CAMKMT: variants seen among roughly 807,000 people sequenced by gnomAD.
The protein encoded by CAMKMT is calmodulin-lysine N-methyltransferase.
A neutral mutation model predicts 48.0 loss-of-function variants in CAMKMT; 53 were observed. That is an observed-to-expected ratio of 1.10 (90% confidence interval 0.89 to 1.39). CAMKMT has a LOEUF of 1.39. Ranked by LOEUF, CAMKMT falls within the 40% of genes most tolerant of loss-of-function variation. The probability of loss-of-function intolerance (pLI) is 0.00; values close to 1 mark genes in which losing one functional copy is unlikely to be tolerated. For synonymous variants in CAMKMT, 165 were observed against 152.3 expected, an observed-to-expected ratio of 1.08 and a Z score of -0.61; for missense variants, 428 against 402.7, an observed-to-expected ratio of 1.06 and a Z score of -0.54.
chr2:44,634,803 A>AAAAAAAAAG (rs1402653101), intron 3 of CAMKMT, among the ~76,000 whole-genome samples: 1 of 151,770 alleles, frequency 6.6e-6, no homozygotes, highest in Non-Finnish European at 1.5e-5. Context: ...GGCTAGCCAA[A>AAAAAAAAAG]AAAAAAAAAG....
At chr2:44,530,881 C>A (rs1666448142) in intron 3 of CAMKMT, among the ~76,000 whole-genome samples, 1 of 151,828 alleles carries the variant, frequency 6.6e-6, no homozygotes, top group Admixed American at 6.6e-5. Context: ...ATTTTTAAAT[C>A]TAGAGGTTTA....
intron 10 of CAMKMT, among the ~76,000 whole-genome samples, chr2:44,771,001 C>G (rs1681083803): frequency 1.3e-5 from 2 of 152,160 alleles, no homozygotes; most frequent in Non-Finnish European, 2.9e-5. Context: ...GCTCATGACT[C>G]CTGTCCTTAA....
At chr2:44,734,051 T>C (rs1461707522) in intron 7 of CAMKMT, among the ~76,000 whole-genome samples, 1 of 152,108 alleles carries the variant, frequency 6.6e-6, no homozygotes, top group Non-Finnish European at 1.5e-5. Context: ...TATTTTTCTG[T>C]TTCCCTTTTT....
At chr2:44,636,448 C>G (rs1214168573) in intron 3 of CAMKMT, among the ~76,000 whole-genome samples, 1 of 152,214 alleles carries the variant, frequency 6.6e-6, no homozygotes, top group Non-Finnish European at 1.5e-5. Context: ...TGCTTCAGCT[C>G]AGCAGGTCTC....
chr2:44,444,802 C>G (rs1231346341), intron 3 of CAMKMT, among the ~76,000 whole-genome samples: 1 of 152,046 alleles, frequency 6.6e-6, no homozygotes, highest in Non-Finnish European at 1.5e-5. Flanking sequence ...CACCATGTAC[C>G]CAAATCTTAG....
chr2:44,647,544 A>G (rs1463889491), intron 3 of CAMKMT, among the ~76,000 whole-genome samples: 1 of 152,174 alleles, frequency 6.6e-6, no homozygotes, highest in East Asian at 1.9e-4. Context: ...CATAGTTAAC[A>G]TTCTGTGGTA....
intron 3 of CAMKMT, among the ~76,000 whole-genome samples, chr2:44,434,271 T>C (rs374288706): frequency 6.6e-6 from 1 of 151,926 alleles, no homozygotes; most frequent in South Asian, 2.1e-4. Context: ...TGATAGAATA[T>C]TTTAGACTTT....
intron 3 of CAMKMT, among the ~76,000 whole-genome samples, chr2:44,673,471 GAGGAAGGAAGGAAGGAAGGAAGGA>G (rs201284067): frequency 6.0e-5 from 7 of 116,842 alleles, no homozygotes; most frequent in Non-Finnish European, 8.5e-5. Context: ...GAAAGAGAGA[GAGGAAGGAAGGAAGGAAGGAAGGA>G]AGGAAGGAAG....
chr2:44,653,997 G>A lies in CAMKMT; in HGVS notation c.377-50286G>A, dbSNP rs137935798. Among the ~76,000 whole-genome samples the A allele has an allele frequency of 9.7e-4, 147 of 152,186 alleles. No homozygotes were observed. Among genetic ancestry groups the A allele is most frequent in the African/African-American group, 3.3e-3 (138 of 41,506 alleles). ...TGAATTAAAATTTTCTTAGTTTGCCGTGTATTTTAATTGACTCTGGACAAA... is the reference window on the plus strand; with the variant it reads ...TGAATTAAAATTTTCTTAGTTTGCCATGTATTTTAATTGACTCTGGACAAA... On this transcript the variant is annotated intron_variant, in intron 3 of 10. Coordinates refer to ENST00000378494, the MANE Select transcript of CAMKMT (RefSeq NM_024766.5). The surrounding 1 kb of genome is among the most constrained non-coding windows in gnomAD (Gnocchi z 5.2).
chr2:44,672,687 T>A (rs1156764109), intron 3 of CAMKMT, among the ~76,000 whole-genome samples: 1 of 152,196 alleles, frequency 6.6e-6, no homozygotes, highest in East Asian at 1.9e-4. Context: ...TAGTTGCTTA[T>A]TTACCAGATA....
chr2:44,445,467 C>T (rs758829014), intron 3 of CAMKMT, among the ~76,000 whole-genome samples: 64 of 151,990 alleles, frequency 4.2e-4, no homozygotes, highest in Non-Finnish European at 6.6e-4. Context: ...GAAAAATGCC[C>T]TCTTTTTTCT....
At chr2:44,555,034 A>G (rs17032368) in intron 3 of CAMKMT, among the ~76,000 whole-genome samples, 4,286 of 152,192 alleles carry the variant, frequency 0.028, 194 homozygotes, top group African/African-American at 0.098. Context: ...GCATATATGG[A>G]AGGCCTTGGC....
chr2:44,446,742 A>G (rs959983539), intron 3 of CAMKMT, among the ~76,000 whole-genome samples: 19 of 152,206 alleles, frequency 1.2e-4, no homozygotes, highest in African/African-American at 4.3e-4. Context: ...TTGTGCTGCC[A>G]CAGGGTTTGT....
chr2:44,555,770 G>C (rs1415590213), intron 3 of CAMKMT, among the ~76,000 whole-genome samples: 1 of 152,222 alleles, frequency 6.6e-6, no homozygotes, highest in Non-Finnish European at 1.5e-5. Flanking sequence ...AAAACCAGGA[G>C]TTGTCATAGA....
chr2:44,427,026 C>T (rs532765067), intron 3 of CAMKMT, among the ~76,000 whole-genome samples: 9 of 152,246 alleles, frequency 5.9e-5, no homozygotes, highest in African/African-American at 1.9e-4. Flanking sequence ...CATATACCTA[C>T]AACCAACTGA....
At chr2:44,379,487 A>T (rs534699585) in intron 2 of CAMKMT, among the ~76,000 whole-genome samples, 2 of 152,216 alleles carry the variant, frequency 1.3e-5, no homozygotes, top group Admixed American at 6.5e-5. Context: ...GGAATAGCCA[A>T]CTATTTTTCA....
intron 3 of CAMKMT, among the ~76,000 whole-genome samples, chr2:44,520,072 A>T (rs1671023688): frequency 7.1e-6 from 1 of 140,178 alleles, no homozygotes; most frequent in African/African-American, 2.6e-5. Flanking sequence ...AAAAAAAATT[A>T]GCCAGGCGTG....
chr2:44,423,236 A>G (rs1328148918), intron 3 of CAMKMT, among the ~76,000 whole-genome samples: 1 of 151,990 alleles, frequency 6.6e-6, no homozygotes, highest in African/African-American at 2.4e-5. Flanking sequence ...CTGCAGTGCA[A>G]TGGTGCGATC....
At chr2:44,670,413 T>TA (rs1366602628) in intron 3 of CAMKMT, among the ~76,000 whole-genome samples, 2 of 151,908 alleles carry the variant, frequency 1.3e-5, no homozygotes, top group Non-Finnish European at 2.9e-5. Context: ...ACCCCATCTC[T>TA]AAAAAAATCA....
Sources: allele counts gnomAD v4.1 joint callset (sites outside exome capture counted in the v4.1 genomes callset), GRCh38; gene constraint gnomAD v4.1.1; non-coding constraint Gnocchi (gnomAD v3.1); transcripts MANE v1.5; gene names NCBI Gene and HGNC (gene_info 2026-07-23, HGNC 2026-07-21).